The following LIN54 variants were observed in gnomAD, a reference collection of about 807,000 sequenced individuals.
LIN54 encodes the protein lin-54 DREAM MuvB core complex component, also known as protein lin-54 homolog.
LIN54 carries 9 observed loss-of-function variants against 78.7 expected under a neutral mutation model. That is an observed-to-expected ratio of 0.11 (90% confidence interval 0.07 to 0.20). The LOEUF is 0.20. Ranked by LOEUF, LIN54 falls within the 10% of genes least tolerant of loss-of-function variation. The pLI is 1.00. For missense variants in LIN54, 573 were observed against 889.9 expected (o/e 0.64, Z 4.53); for synonymous variants, 269 against 318.4 (o/e 0.84, Z 1.65).
At chr4:82,988,621 A>G (rs1254611638) in intron 1 of LIN54, among the ~76,000 whole-genome samples, 2 of 152,202 alleles carry the variant, frequency 1.3e-5, no homozygotes, top group East Asian at 1.9e-4. Flanking sequence ...TGAAACTGCT[A>G]AACTATTTCC....
chr4:82,938,569 T>C, intron 7 of LIN54, 65 bp from the exon 8 acceptor site: 1 of 858,136 alleles, frequency 1.2e-6, no homozygotes, highest in Non-Finnish European at 1.9e-6. Flanking sequence ...TCAGGTATGA[T>C]GATCAGTAAG....
At position 82,932,275 on chromosome 4, in the gene LIN54, T is replaced by G. The variant is rs1352226938; in HGVS notation, c.1846-1130A>C. Among the ~76,000 whole-genome samples the G allele has an allele frequency of 4.0e-5, 6 of 151,000 alleles. No homozygotes were observed. In the East Asian group the frequency reaches 1.2e-3, roughly 30 times the overall value. ...ACGCCCGGCTAATTTTTTTTGTATT[T>G]TTAGTAGAGACGGGGTTTCACCGTG... On this transcript the variant is annotated intron_variant, in intron 11 of 12. Coordinates refer to ENST00000340417, the MANE Select transcript of LIN54 (RefSeq NM_194282.4).
At chr4:83,007,600 C>T (rs910361931) in intron 1 of LIN54, among the ~76,000 whole-genome samples, 29 of 152,094 alleles carry the variant, frequency 1.9e-4, no homozygotes, top group Non-Finnish European at 4.0e-4. Context: ...CGATAGTCTA[C>T]TAAATGGCCA....
intron 5 of LIN54, 117 bp from the exon 6 acceptor site, chr4:82,940,079 T>G (rs955905584): frequency 1.4e-6 from 1 of 732,436 alleles, no homozygotes; most frequent in African/African-American, 1.8e-5. Context: ...AGAATTCCAT[T>G]TGATTCCTAA....
chr4:82,944,138 T>C (rs1723167879), intron 5 of LIN54, among the ~76,000 whole-genome samples: 1 of 152,162 alleles, frequency 6.6e-6, no homozygotes, highest in Admixed American at 6.5e-5. Context: ...CCCAAAGTGC[T>C]GGGATTACAG....
intron 3 of LIN54, among the ~76,000 whole-genome samples, 163 bp from the exon 4 acceptor site, chr4:82,970,632 A>G (rs1444715143): frequency 6.6e-6 from 1 of 152,202 alleles, no homozygotes; most frequent in African/African-American, 2.4e-5. Context: ...AGGCAGAACT[A>G]AACAAAACAC....
chr4:83,003,226 G>A (rs1173585219), intron 1 of LIN54, among the ~76,000 whole-genome samples: 1 of 152,286 alleles, frequency 6.6e-6, no homozygotes, highest in Admixed American at 6.5e-5. Context: ...TGTTGGCCAG[G>A]CTGGCCTTGA....
At chr4:83,004,413 A>AG (rs1276477571) in intron 1 of LIN54, among the ~76,000 whole-genome samples, 36 of 149,960 alleles carry the variant, frequency 2.4e-4, no homozygotes, top group African/African-American at 7.4e-4. Context: ...AAAAAAAAAA[A>AG]AAAGAAAGAA....
At chr4:83,004,398 C>CAAAAA (rs34722830) in intron 1 of LIN54, among the ~76,000 whole-genome samples, 27 of 100,740 alleles carry the variant, frequency 2.7e-4, no homozygotes, top group Admixed American at 3.5e-4. Flanking sequence ...GACTCCGTTG[C>CAAAAA]AAAAAAAAAA....
chr4:83,011,939 C>T (rs1020202698), upstream of LIN54: 1 of 700,944 alleles, frequency 1.4e-6, no homozygotes, highest in Non-Finnish European at 1.8e-6. Flanking sequence ...AGGCTGCGAA[C>T]AGGGCCACTC....
At chr4:82,937,431 A>G (rs1722478905) in intron 8 of LIN54, 133 bp from the exon 9 acceptor site, 7 of 545,196 alleles carry the variant, frequency 1.3e-5, no homozygotes, top group Non-Finnish European at 1.9e-5. Context: ...TCTCCAATCT[A>G]TAAATCCCTC....
chr4:82,955,396 T>A (rs988174833), intron 4 of LIN54, among the ~76,000 whole-genome samples: 1 of 151,142 alleles, frequency 6.6e-6, no homozygotes, highest in Non-Finnish European at 1.5e-5. Flanking sequence ...TAACATAACA[T>A]AACATAACAT....
chr4:82,955,784 GC>G (rs1724277335), intron 4 of LIN54, among the ~76,000 whole-genome samples: 2 of 151,218 alleles, frequency 1.3e-5, no homozygotes, highest in South Asian at 2.1e-4. Context: ...AAAAGACTGT[GC>G]GTAAGTTTTT....
chr4:82,991,203 A>C (rs1251271270), intron 1 of LIN54, among the ~76,000 whole-genome samples: 1 of 151,346 alleles, frequency 6.6e-6, no homozygotes, highest in East Asian at 1.9e-4. Flanking sequence ...CTCCCAAATA[A>C]CTATATCTTA....
intron 3 of LIN54, among the ~76,000 whole-genome samples, chr4:82,978,510 C>T (rs571134642): frequency 4.4e-4 from 67 of 152,326 alleles, no homozygotes; most frequent in African/African-American, 1.5e-3. Context: ...TCCACTTCCA[C>T]ACTGGCAAAA....
Position 83,010,668 on chromosome 4 carries a change from GGGTGGCGACGTCGCCGTC to G in LIN54, c.-235_-218del. The G allele has an allele frequency of 6.5e-6, 8 of 1,231,580 alleles. No individual in the cohort carries two copies. Among genetic ancestry groups the G allele is most frequent in the Non-Finnish European group, 8.1e-6 (8 of 987,696 alleles). 76.3% of individuals were successfully genotyped at this position (1,231,580 alleles called of 1,614,324 possible). Reference sequence around the variant, plus strand: ...TACCCGGGGACCGAGAAGGGAGCCGGGGTGGCGACGTCGCCGTCGCCGCCGCCTCTGGTATGTCAGGGG... The same window carrying G: ...TACCCGGGGACCGAGAAGGGAGCCGGGCCGCCGCCTCTGGTATGTCAGGGG... On this transcript the variant is annotated 5_prime_UTR_variant, in exon 1 of 13. Transcript: ENST00000340417.
At position 82,990,945 on chromosome 4, in the gene LIN54, T is replaced by G. The variant is rs144060956; in HGVS notation, c.-32-6069A>C. 7.0e-3 allele frequency among the ~76,000 whole-genome samples: 1,061 copies of G among 152,124 alleles called. 10 individuals carry two copies. Among genetic ancestry groups the G allele is most frequent in the African/African-American group, 0.024 (977 of 41,498 alleles). On this transcript the variant is annotated intron_variant, in intron 1 of 12. Coordinates refer to ENST00000340417, the MANE Select transcript of LIN54 (RefSeq NM_194282.4). Reference sequence around the variant, plus strand: ...TGCTATACACATATCCTTGAAAAGATCATTTAAAACAAAAGGGCTGTCACT... The same window carrying G: ...TGCTATACACATATCCTTGAAAAGAGCATTTAAAACAAAAGGGCTGTCACT...
chr4:82,937,720 G>T (rs1019375323), intron 8 of LIN54, among the ~76,000 whole-genome samples: 1 of 152,236 alleles, frequency 6.6e-6, no homozygotes, highest in Non-Finnish European at 1.5e-5. Context: ...GGAAATGGAA[G>T]TGGGATGTGG....
chr4:82,949,546 G>A (rs1723684427), intron 4 of LIN54, among the ~76,000 whole-genome samples: 3 of 151,990 alleles, frequency 2.0e-5, no homozygotes, highest in South Asian at 2.1e-4. Flanking sequence ...ACAGGCACAC[G>A]CCACCATGCC....
Sources: allele counts gnomAD v4.1 joint callset (sites outside exome capture counted in the v4.1 genomes callset), GRCh38; gene constraint gnomAD v4.1.1; transcripts MANE v1.5; gene names NCBI Gene and HGNC (gene_info 2026-07-23, HGNC 2026-07-21).